The following LMX1A variants were observed in gnomAD, a reference collection of about 807,000 sequenced individuals.
LMX1A encodes the protein LIM homeobox transcription factor 1 alpha.
A neutral mutation model predicts 49.1 loss-of-function variants in LMX1A; 15 were observed. The ratio of observed to expected loss-of-function variants is 0.31; its 90% confidence interval spans 0.20 to 0.47. The LOEUF is 0.47. Among genes scored for constraint, LMX1A ranks in the 20% least tolerant of loss-of-function variants. The pLI is 1.00. For synonymous variants in LMX1A, 167 were observed against 185.7 expected (o/e 0.90, Z 0.82); for missense variants, 372 against 475.8 (o/e 0.78, Z 2.03).
At chr1:165,250,285 AAT>A (rs1653010720) in intron 3 of LMX1A, among the ~76,000 whole-genome samples, 1 of 152,202 alleles carries the variant, frequency 6.6e-6, no homozygotes. Flanking sequence ...TAATGCCCAG[AAT>A]GTATTTGCTG....
At chr1:165,272,319 G>T (rs960923413) in intron 3 of LMX1A, among the ~76,000 whole-genome samples, 14 of 152,320 alleles carry the variant, frequency 9.2e-5, no homozygotes, top group Admixed American at 5.9e-4. Flanking sequence ...GCAAACATTT[G>T]CTGCTGAAGA....
At chr1:165,213,963 C>A in intron 4 of LMX1A, 150 bp from the exon 5 acceptor site, 2 of 679,418 alleles carry the variant, frequency 2.9e-6, no homozygotes, top group South Asian at 3.9e-5. Flanking sequence ...TGAAAGCTTC[C>A]AGGAAGAGGC....
chr1:165,232,095 T>G (rs764433844), intron 4 of LMX1A, among the ~76,000 whole-genome samples: 54 of 152,216 alleles, frequency 3.5e-4, no homozygotes, highest in Non-Finnish European at 6.0e-4. Flanking sequence ...AGTACCGGGT[T>G]GGAGATTAGC....
At chr1:165,318,321 A>G (rs928406140) in intron 3 of LMX1A, among the ~76,000 whole-genome samples, 1 of 152,214 alleles carries the variant, frequency 6.6e-6, no homozygotes, top group Non-Finnish European at 1.5e-5. Flanking sequence ...CTTTATCTGC[A>G]CTCCACAAGC....
chr1:165,286,947 A>T (rs1654318841), intron 3 of LMX1A, among the ~76,000 whole-genome samples: 1 of 152,224 alleles, frequency 6.6e-6, no homozygotes, highest in South Asian at 2.1e-4. Flanking sequence ...GTCCAAGGTG[A>T]ATCCAGATTA....
chr1:165,251,429 T>C (rs1441358674), intron 3 of LMX1A, among the ~76,000 whole-genome samples: 2 of 152,146 alleles, frequency 1.3e-5, no homozygotes, highest in Non-Finnish European at 2.9e-5. Flanking sequence ...GAAAAGGAAC[T>C]CTTGGCTGTA....
At chr1:165,350,480 G>A (rs1156770159) in intron 3 of LMX1A, among the ~76,000 whole-genome samples, 2 of 151,956 alleles carry the variant, frequency 1.3e-5, no homozygotes, top group Non-Finnish European at 2.9e-5. Context: ...CTAGCCTAGC[G>A]TCTTGCATAC....
chr1:165,330,332 G>A (rs1655710121), intron 3 of LMX1A, among the ~76,000 whole-genome samples: 1 of 152,190 alleles, frequency 6.6e-6, no homozygotes. Flanking sequence ...AAGTTAGCTG[G>A]GCATGATGGC....
intron 4 of LMX1A, among the ~76,000 whole-genome samples, chr1:165,227,386 C>T (rs886267290): frequency 6.6e-6 from 1 of 152,014 alleles, no homozygotes; most frequent in Non-Finnish European, 1.5e-5. Flanking sequence ...AAAAACAATA[C>T]AAAAATTAGC....
At chr1:165,291,023 A>C (rs1272193956) in intron 3 of LMX1A, among the ~76,000 whole-genome samples, 1 of 152,236 alleles carries the variant, frequency 6.6e-6, no homozygotes, top group Non-Finnish European at 1.5e-5. Flanking sequence ...CAATTTATAT[A>C]CCTGCCCACT....
chr1:165,270,857 T>C (rs1190322603), intron 3 of LMX1A, among the ~76,000 whole-genome samples: 2 of 152,148 alleles, frequency 1.3e-5, no homozygotes, highest in African/African-American at 4.8e-5. Flanking sequence ...CGTATCCCAA[T>C]GCCTTTCATT....
chr1:165,235,407 G>GGCACAC, intron 4 of LMX1A, among the ~76,000 whole-genome samples: 1 of 134,586 alleles, frequency 7.4e-6, no homozygotes, highest in East Asian at 2.7e-4. Context: ...CGCTCGCGCG[G>GGCACAC]ACACACACAC....
intron 3 of LMX1A, among the ~76,000 whole-genome samples, chr1:165,323,256 A>G (rs1655474659): frequency 6.6e-6 from 1 of 152,182 alleles, no homozygotes; most frequent in African/African-American, 2.4e-5. Context: ...AGGTCAGTTA[A>G]CCATACAAAA....
chr1:165,326,780 G>A (rs1655594540), intron 3 of LMX1A, among the ~76,000 whole-genome samples: 1 of 152,118 alleles, frequency 6.6e-6, no homozygotes, highest in Non-Finnish European at 1.5e-5. Flanking sequence ...TGCTATTTCA[G>A]TGATTTGTAT....
At chr1:165,354,344 CA>C (rs1299631509) in intron 2 of LMX1A, among the ~76,000 whole-genome samples, 1 of 152,110 alleles carries the variant, frequency 6.6e-6, no homozygotes, top group Non-Finnish European at 1.5e-5. Flanking sequence ...CCCAATTTTA[CA>C]ATTCTATTTT....
chr1:165,238,054 T>A (rs1053864026), intron 4 of LMX1A, among the ~76,000 whole-genome samples: 1 of 152,220 alleles, frequency 6.6e-6, no homozygotes, highest in African/African-American at 2.4e-5. Context: ...TTACTAGTCA[T>A]ACTGCCCCAT....
At chr1:165,340,567 C>A (rs1175427981) in intron 3 of LMX1A, among the ~76,000 whole-genome samples, 1 of 152,196 alleles carries the variant, frequency 6.6e-6, no homozygotes, top group African/African-American at 2.4e-5. Context: ...CAGAGTCAAC[C>A]TTGGCTCTCT....
At chr1:165,342,569 A>T (rs1656108878) in intron 3 of LMX1A, among the ~76,000 whole-genome samples, 2 of 152,078 alleles carry the variant, frequency 1.3e-5, no homozygotes, top group Non-Finnish European at 2.9e-5. Flanking sequence ...TTGGTGTGGG[A>T]TAGGAAAGGA....
intron 4 of LMX1A, among the ~76,000 whole-genome samples, chr1:165,242,935 AAAAAAAAAAAAAC>A (rs1408527513): frequency 6.8e-6 from 1 of 147,272 alleles, no homozygotes; most frequent in African/African-American, 2.6e-5. Flanking sequence ...ACCTCAAAAA[AAAAAAAAAAAAAC>A]AAAACAAAAA....
Sources: gnomAD v4.1 joint callset for allele counts (sites outside exome capture counted in the v4.1 genomes callset) on GRCh38, gnomAD v4.1.1 for gene constraint, MANE v1.5 for transcripts, NCBI Gene and HGNC (gene_info 2026-07-23, HGNC 2026-07-21) for gene names.